Variants in GRID1 observed in about 807,000 individuals in gnomAD.
The protein encoded by GRID1 is glutamate ionotropic receptor delta type subunit 1.
A neutral mutation model predicts 98.0 loss-of-function variants in GRID1; 28 were observed. The observed-to-expected ratio is 0.29, with a 90% CI of 0.21 to 0.39. The LOEUF (loss-of-function observed/expected upper bound fraction) is 0.39. Ranked by LOEUF, GRID1 falls within the 10% of genes least tolerant of loss-of-function variation. The pLI is 1.00. For missense variants in GRID1, 1,111 were observed against 1,340.5 expected (o/e 0.83, Z 2.67); for synonymous variants, 553 against 538.5 (o/e 1.03, Z -0.37).
intron 2 of GRID1, among the ~76,000 whole-genome samples, chr10:86,225,879 C>CGTT (rs1846334204): frequency 6.6e-6 from 1 of 152,158 alleles, no homozygotes; most frequent in Admixed American, 6.5e-5. Flanking sequence ...TTACAGCAAC[C>CGTT]ATGACATCAC....
intron 14 of GRID1, among the ~76,000 whole-genome samples, chr10:85,617,816 T>C (rs1312154135): frequency 6.6e-6 from 1 of 152,216 alleles, no homozygotes; most frequent in Non-Finnish European, 1.5e-5. Flanking sequence ...ATGGGGTCTC[T>C]GTTGGGAGGT....
intron 3 of GRID1, among the ~76,000 whole-genome samples, chr10:86,158,831 T>C (rs914545860): frequency 6.6e-6 from 1 of 152,192 alleles, no homozygotes; most frequent in African/African-American, 2.4e-5. Context: ...AGATCGGCTG[T>C]AAGTGTAAAG....
At chr10:86,292,069 C>A (rs768930180) in intron 2 of GRID1, among the ~76,000 whole-genome samples, 3 of 152,234 alleles carry the variant, frequency 2.0e-5, no homozygotes, top group Non-Finnish European at 4.4e-5. Context: ...CTGGGGCCCA[C>A]ACACAGGGTC....
chr10:85,647,266 C>T lies in GRID1; in HGVS notation c.2129G>A (p.Arg710Gln), dbSNP rs150986701. 53 of 1,614,082 alleles carry T rather than the reference C, an allele frequency of 3.3e-5. No individual in the cohort carries two copies. Among genetic ancestry groups the T allele is most frequent in the South Asian group, 8.8e-5 (8 of 91,092 alleles). ...EQDSTFAELWRTISKNGGADN... is the reference protein window; with the variant it reads ...EQDSTFAELWQTISKNGGADN... The stretch of plus-strand genomic sequence containing the variant: ...AGCCCCTCCGTTCTTGCTGATGGTC[C>T]GCCAGAGTTCAGCAAACGTGCTGTC... Residue 710 changes from arginine (R) to glutamine (Q), a missense_variant, in exon 13 of 16, where the codon CGG becomes CAG. Coordinates refer to ENST00000327946, the MANE Select transcript of GRID1 (RefSeq NM_017551.3).
chr10:85,832,792 C>A (rs75183966), intron 8 of GRID1, among the ~76,000 whole-genome samples: 1 of 152,098 alleles, frequency 6.6e-6, no homozygotes, highest in East Asian at 1.9e-4. Context: ...GAAGATGGTC[C>A]GGGTAGGCTC....
intron 4 of GRID1, among the ~76,000 whole-genome samples, chr10:85,968,868 A>G (rs1842372059): frequency 6.6e-6 from 1 of 152,210 alleles, no homozygotes; most frequent in Admixed American, 6.5e-5. Context: ...TTAAATGTAA[A>G]TGAATTAAAT....
chr10:85,958,957 C>CAAAAA (rs199786360), intron 4 of GRID1, among the ~76,000 whole-genome samples: 2 of 99,276 alleles, frequency 2.0e-5, no homozygotes, highest in Non-Finnish European at 2.2e-5. Flanking sequence ...AACTCCGTCT[C>CAAAAA]AAAAAAAAAA....
intron 4 of GRID1, among the ~76,000 whole-genome samples, chr10:86,133,831 C>T (rs148757186): frequency 2.6e-3 from 397 of 152,322 alleles, no homozygotes; most frequent in African/African-American, 8.8e-3. Context: ...CATACAGAAA[C>T]GGATGGTGCC....
At chr10:86,158,946 T>G (rs1024604883) in intron 3 of GRID1, among the ~76,000 whole-genome samples, 4 of 152,150 alleles carry the variant, frequency 2.6e-5, no homozygotes, top group Non-Finnish European at 4.4e-5. Context: ...CAGGCTGGAG[T>G]GCAGTGGCGC....
At chr10:85,810,682 G>A (rs1315568485) in intron 8 of GRID1, among the ~76,000 whole-genome samples, 1 of 152,218 alleles carries the variant, frequency 6.6e-6, no homozygotes, top group African/African-American at 2.4e-5. Flanking sequence ...ATGCCCCTAA[G>A]CTCCCAAGCA....
At chr10:86,268,683 A>G (rs934309382) in intron 2 of GRID1, among the ~76,000 whole-genome samples, 3 of 152,244 alleles carry the variant, frequency 2.0e-5, no homozygotes, top group African/African-American at 7.2e-5. Context: ...AGGCACGTGA[A>G]GCATGTTAGA....
At chr10:85,743,372 T>G (rs773498282) in intron 8 of GRID1, among the ~76,000 whole-genome samples, 4 of 152,176 alleles carry the variant, frequency 2.6e-5, no homozygotes, top group Admixed American at 6.6e-5. Flanking sequence ...AGACAAGCCC[T>G]GACCAAATTT....
At chr10:85,919,646 C>T (rs1178576573) in intron 4 of GRID1, among the ~76,000 whole-genome samples, 1 of 152,200 alleles carries the variant, frequency 6.6e-6, no homozygotes, top group Non-Finnish European at 1.5e-5. Flanking sequence ...TGCCCTTTTC[C>T]TTTTCCTCTC....
chr10:86,009,781 G>A (rs1001434602), intron 4 of GRID1, among the ~76,000 whole-genome samples: 3 of 152,214 alleles, frequency 2.0e-5, no homozygotes, highest in African/African-American at 7.2e-5. Context: ...CTAAGCAGAG[G>A]TCTGTAAACT....
chr10:85,724,650 G>A lies in GRID1; in HGVS notation c.1560C>T (p.Ile520=). ...CGCTCTCCCTCTCTGGGGTGATGGT[G>A]ATGGCAGAGATGGCCAAGTCTGCTC... ...SKRADLAISA[I]TITPERESVV... The change falls in exon 11 of 16, where the codon ATC becomes ATT. Residue 520 remains isoleucine, a synonymous_variant. Coordinates refer to ENST00000327946, the MANE Select transcript of GRID1 (RefSeq NM_017551.3). The A allele has an allele frequency of 1.2e-6, 2 of 1,610,738 alleles. No individual in the cohort carries two copies. Among genetic ancestry groups the A allele is most frequent in the East Asian group, 2.2e-5 (1 of 44,840 alleles).
intron 13 of GRID1, chr10:85,646,522 G>A (rs944626244): frequency 6.5e-6 from 1 of 153,130 alleles, no homozygotes; most frequent in African/African-American, 2.4e-5. Context: ...TGTATAAGAG[G>A]ATAATGCTGA....
intron 4 of GRID1, among the ~76,000 whole-genome samples, chr10:86,052,819 A>T (rs548819327): frequency 6.6e-6 from 1 of 152,272 alleles, no homozygotes; most frequent in Non-Finnish European, 1.5e-5. Context: ...TGAACTATTC[A>T]TATACATTAC....
chr10:85,732,771 G>C (rs1416701446), intron 8 of GRID1, among the ~76,000 whole-genome samples: 1 of 152,070 alleles, frequency 6.6e-6, no homozygotes, highest in Non-Finnish European at 1.5e-5. Context: ...TTTTCTTACA[G>C]AATAAATCCT....
intron 10 of GRID1, 86 bp from the exon 11 acceptor site, chr10:85,724,762 T>C: frequency 9.4e-7 from 1 of 1,063,196 alleles, no homozygotes; most frequent in Non-Finnish European, 1.4e-6. Context: ...CCTCTGTCCT[T>C]TGAGTTGCTC....
Sources: allele counts gnomAD v4.1 joint callset (sites outside exome capture counted in the v4.1 genomes callset), GRCh38; gene constraint gnomAD v4.1.1; transcripts MANE v1.5; gene names NCBI Gene and HGNC (gene_info 2026-07-23, HGNC 2026-07-21).